PTPRD: variants seen among roughly 807,000 people sequenced by gnomAD.
PTPRD encodes the protein protein tyrosine phosphatase receptor type D, also known as receptor-type tyrosine-protein phosphatase delta.
Under a neutral mutation model 214.5 loss-of-function variants are expected in PTPRD, and 34 were observed. That is an observed-to-expected ratio of 0.16 (90% confidence interval 0.12 to 0.21). PTPRD has a LOEUF of 0.21. Among genes scored for constraint, PTPRD ranks in the 10% least tolerant of loss-of-function variants. The pLI, the probability that PTPRD is intolerant of heterozygous loss-of-function variation, is 1.00. For synonymous variants in PTPRD, 1,128 were observed against 845.7 expected (o/e 1.33, Z -5.79); for missense variants, 2,545 against 2,398.7 (o/e 1.06, Z -1.27).
rs1398592683 is a variant in PTPRD at position 9,932,671 on chromosome 9, G to A, written c.-368+5836C>T. On this transcript the variant is annotated intron_variant, in intron 5 of 45. Coordinates refer to ENST00000381196, the MANE Select transcript of PTPRD (RefSeq NM_002839.4). Reference sequence around the variant, plus strand: ...ACACTCTGCAGGATATTATCCAGGAGAACTTCCCCAATCTAGCAAGGCAGG... The same window carrying A: ...ACACTCTGCAGGATATTATCCAGGAAAACTTCCCCAATCTAGCAAGGCAGG... Among the ~76,000 whole-genome samples the A allele has an allele frequency of 1.9e-3, 212 of 111,098 alleles. 1 individual carries two copies. The highest frequency in any genetic ancestry group is 7.0e-3 in the African/African-American group (186 of 26,448). The allele number at this position is 111,098 out of a possible 152,430, so 72.9% of individuals were successfully genotyped here.
intron 4 of PTPRD, among the ~76,000 whole-genome samples, chr9:9,945,572 G>A (rs76130007): frequency 0.092 from 14,053 of 152,168 alleles, 2,142 homozygotes; most frequent in African/African-American, 0.32. Context: ...GTTAAGTAAT[G>A]CAAGTTGAAG....
intron 10 of PTPRD, among the ~76,000 whole-genome samples, chr9:9,063,106 A>T (rs1235314849): frequency 6.6e-6 from 1 of 152,118 alleles, no homozygotes; most frequent in African/African-American, 2.4e-5. Context: ...AGAGGAATGA[A>T]CATTGAGCTG....
intron 11 of PTPRD, among the ~76,000 whole-genome samples, chr9:8,743,644 C>A (rs551033653): frequency 4.6e-5 from 7 of 152,126 alleles, no homozygotes; most frequent in Admixed American, 4.6e-4. Context: ...AAAACCGTAA[C>A]AATTCTAGAA....
chr9:10,603,713 T>C (rs374999219), intron 2 of PTPRD, among the ~76,000 whole-genome samples: 23 of 151,956 alleles, frequency 1.5e-4, no homozygotes, highest in African/African-American at 5.5e-4. Flanking sequence ...GTGTTGGCTA[T>C]TATTATTACC....
At chr9:10,211,461 T>C (rs550929251) in intron 3 of PTPRD, among the ~76,000 whole-genome samples, 6 of 152,234 alleles carry the variant, frequency 3.9e-5, no homozygotes, top group Non-Finnish European at 7.4e-5. Flanking sequence ...TAGAGGACCA[T>C]GGATGAAGCT....
intron 11 of PTPRD, among the ~76,000 whole-genome samples, chr9:8,858,885 T>A (rs1480783041): frequency 1.3e-5 from 2 of 151,554 alleles, no homozygotes; most frequent in South Asian, 2.1e-4. Context: ...CGGGGTGACG[T>A]CACTCCCCAG....
chr9:10,057,291 G>A (rs963625951), intron 3 of PTPRD, among the ~76,000 whole-genome samples: 4 of 152,000 alleles, frequency 2.6e-5, no homozygotes, highest in African/African-American at 9.7e-5. Context: ...AGTATAGTCA[G>A]GATCACAAAG....
At chr9:9,353,596 CG>C (rs1569567641) in intron 9 of PTPRD, among the ~76,000 whole-genome samples, 1 of 150,944 alleles carries the variant, frequency 6.6e-6, no homozygotes, top group Non-Finnish European at 1.5e-5. Flanking sequence ...CCTTGTCTTA[CG>C]TATATATTGG....
intron 11 of PTPRD, among the ~76,000 whole-genome samples, chr9:8,822,932 A>G (rs531137906): frequency 7.2e-5 from 11 of 152,312 alleles, no homozygotes; most frequent in Admixed American, 3.3e-4. Context: ...CAGTGTTCAC[A>G]CAGCCCACAC....
At chr9:8,474,468 G>A (rs1270894604) in intron 30 of PTPRD, among the ~76,000 whole-genome samples, 1 of 152,050 alleles carries the variant, frequency 6.6e-6, no homozygotes, top group African/African-American at 2.4e-5. Flanking sequence ...TGAAATCTAC[G>A]CTTGCCATTC....
chr9:10,430,017 A>G (rs2098662576), intron 2 of PTPRD, among the ~76,000 whole-genome samples: 1 of 151,890 alleles, frequency 6.6e-6, no homozygotes, highest in Non-Finnish European at 1.5e-5. Flanking sequence ...TAATTCCTAT[A>G]TTTGGTACTC....
chr9:8,685,868 C>A (rs926686798), intron 12 of PTPRD, among the ~76,000 whole-genome samples: 2 of 152,192 alleles, frequency 1.3e-5, no homozygotes, highest in Non-Finnish European at 2.9e-5. Flanking sequence ...GCCAAACGAG[C>A]ACTAGGCTCC....
chr9:9,624,649 A>G (rs181524063), intron 7 of PTPRD, among the ~76,000 whole-genome samples: 1 of 152,082 alleles, frequency 6.6e-6, no homozygotes, highest in African/African-American at 2.4e-5. Flanking sequence ...AGCCCAGCTT[A>G]CTGAAACCCA....
intron 9 of PTPRD, among the ~76,000 whole-genome samples, chr9:9,364,361 A>G (rs1273715736): frequency 1.3e-5 from 2 of 151,490 alleles, no homozygotes; most frequent in African/African-American, 4.8e-5. Context: ...GGAGGGAGTA[A>G]GACACATATG....
At chr9:8,785,860 C>T (rs1336110894) in intron 11 of PTPRD, among the ~76,000 whole-genome samples, 1 of 152,174 alleles carries the variant, frequency 6.6e-6, no homozygotes, top group African/African-American at 2.4e-5. Flanking sequence ...AAAAACTCTC[C>T]TGTAATGTAT....
chr9:8,389,778 G>C (rs572273738), intron 36 of PTPRD, among the ~76,000 whole-genome samples: 1 of 152,186 alleles, frequency 6.6e-6, no homozygotes, highest in East Asian at 1.9e-4. Context: ...GCAAAAACTA[G>C]ATAAAAGAAT....
In PTPRD at chr9:8,922,088, C is replaced by G. The variant is rs72706224; in HGVS notation, c.-104+96609G>C. Among the ~76,000 whole-genome samples the G allele has an allele frequency of 2.7e-3, 415 of 152,220 alleles. 2 individuals carry two copies. Among genetic ancestry groups the G allele is most frequent in the South Asian group, 8.9e-3 (43 of 4,824 alleles). The stretch of plus-strand genomic sequence containing the variant: ...TCATACTGTTAACAGGCAGAGAATT[C>G]GTGTGTAGTTTATTCTTTTAAATCT... On this transcript the variant is annotated intron_variant, in intron 11 of 45. Coordinates refer to ENST00000381196, the MANE Select transcript of PTPRD (RefSeq NM_002839.4).
intron 5 of PTPRD, among the ~76,000 whole-genome samples, chr9:9,768,815 A>G (rs1211925448): frequency 6.6e-6 from 1 of 152,338 alleles, no homozygotes; most frequent in East Asian, 1.9e-4. Context: ...CTGCCAGGCT[A>G]TGATGAATTT....
chr9:9,115,046 G>A (rs1173632120), intron 10 of PTPRD, among the ~76,000 whole-genome samples: 1 of 152,158 alleles, frequency 6.6e-6, no homozygotes. Context: ...TTGGGTGGCT[G>A]TCCTGAACTG....
Sources: gnomAD v4.1 joint callset for allele counts (sites outside exome capture counted in the v4.1 genomes callset) on GRCh38, gnomAD v4.1.1 for gene constraint, MANE v1.5 for transcripts, NCBI Gene and HGNC (gene_info 2026-07-23, HGNC 2026-07-21) for gene names.